CPLANE1: variants seen among roughly 807,000 people sequenced by gnomAD.
CPLANE1 encodes the protein ciliogenesis and planar polarity effector complex subunit 1.
A neutral mutation model predicts 362.5 loss-of-function variants in CPLANE1; 263 were observed. That is an observed-to-expected ratio of 0.73 (90% CI 0.66 to 0.80). The LOEUF is 0.80. Among genes scored for constraint, CPLANE1 ranks in the 30% least tolerant of loss-of-function variants. The pLI, the probability that CPLANE1 is intolerant of heterozygous loss-of-function variation, is 0.00. For synonymous variants in CPLANE1, 1,212 were observed against 1,302.6 expected (o/e 0.93, Z 1.50); for missense variants, 3,461 against 3,793.4 (o/e 0.91, Z 2.30).
chr5:37,167,314 T>A, intron 34 of CPLANE1, 101 bp from the exon 35 acceptor site: 1 of 879,728 alleles, frequency 1.1e-6, no homozygotes, highest in Non-Finnish European at 1.7e-6. Flanking sequence ...TAAATTAAAC[T>A]GTGCAACAGT....
intron 43 of CPLANE1, among the ~76,000 whole-genome samples, chr5:37,145,484 T>G (rs1771266654): frequency 6.6e-6 from 1 of 152,076 alleles, no homozygotes; most frequent in Non-Finnish European, 1.5e-5. Context: ...CAGTGGCTAT[T>G]CACAGGTGTG....
At chr5:37,159,129 G>T (rs1464614296) in intron 38 of CPLANE1, among the ~76,000 whole-genome samples, 1 of 111,432 alleles carries the variant, frequency 9.0e-6, no homozygotes, top group Admixed American at 1.1e-4. Context: ...TTTTGAGACG[G>T]AGTCTCGCTC....
Position 37,209,861 on chromosome 5 carries a change from A to G in CPLANE1, c.2921-3436T>C. 1.5e-6 allele frequency: 2 copies of G among 1,377,558 alleles called. No homozygotes were observed. Among genetic ancestry groups the G allele is most frequent in the Non-Finnish European group, 2.1e-6 (2 of 966,736 alleles). 85.3% of individuals were successfully genotyped at this position (1,377,558 alleles called of 1,614,324 possible). ...ATATGGAAACTCAGACAAGTTCGACATTTAGCAGAGATTCTCTGGCTGAGA... is the reference window on the plus strand; with the variant it reads ...ATATGGAAACTCAGACAAGTTCGACGTTTAGCAGAGATTCTCTGGCTGAGA... On this transcript the variant is annotated intron_variant, in intron 16 of 52. Coordinates refer to ENST00000651892, the MANE Select transcript of CPLANE1 (RefSeq NM_001384732.1). This position sits in a 1 kb window ranked among gnomAD's most constrained non-coding sequence, Gnocchi z 4.6.
chr5:37,083,254 C>G, the CPLANE1 span, among the ~76,000 whole-genome samples: 3 of 152,188 alleles, frequency 2.0e-5, no homozygotes, highest in Admixed American at 1.3e-4. Context: ...AGAGAACACC[C>G]TGCAGGACAA....
intron 6 of CPLANE1, among the ~76,000 whole-genome samples, chr5:37,240,287 T>G (rs1279698933): frequency 1.3e-5 from 2 of 151,388 alleles, no homozygotes; most frequent in African/African-American, 2.4e-5. Context: ...GAGGCGGAGG[T>G]CGCAGTGAGC....
At position 37,224,435 on chromosome 5, in the gene CPLANE1, T is replaced by G. The variant is rs1388315905; in HGVS notation, c.2500+97A>C. 3.1e-6 allele frequency: 4 copies of G among 1,305,738 alleles called. No individual in the cohort carries two copies. In the East Asian group the frequency reaches 1.0e-4, roughly 33 times the overall value. 80.9% of individuals were successfully genotyped at this position (1,305,738 alleles called of 1,614,324 possible). On this transcript the variant is annotated intron_variant, in intron 13 of 52. Transcript: ENST00000651892. Reference sequence around the variant, plus strand: ...GTTAATGGAGCTCAGCCAGAAATTATTTTGAAAAACAAATCATTACAACCA... The same window carrying G: ...GTTAATGGAGCTCAGCCAGAAATTAGTTTGAAAAACAAATCATTACAACCA...
intron 51 of CPLANE1, among the ~76,000 whole-genome samples, chr5:37,110,930 C>G (rs1759057948): frequency 6.6e-6 from 1 of 150,688 alleles, no homozygotes; most frequent in South Asian, 2.1e-4. Flanking sequence ...GCCTCAGCCT[C>G]CCGAGTAGCT....
chr5:37,111,490 A>G (rs1355549615), intron 51 of CPLANE1, among the ~76,000 whole-genome samples: 2 of 152,200 alleles, frequency 1.3e-5, no homozygotes, highest in Non-Finnish European at 2.9e-5. Context: ...CTTCATATCT[A>G]TAAGTAAAAT....
chr5:37,101,540 A>C (rs558607129), downstream of CPLANE1, among the ~76,000 whole-genome samples: 1 of 152,316 alleles, frequency 6.6e-6, no homozygotes, highest in East Asian at 1.9e-4. Context: ...ATCAATGTTC[A>C]TCAGGGATAT....
chr5:37,141,801 G>A (rs1206812580), intron 44 of CPLANE1: 1 of 977,890 alleles, frequency 1.0e-6, no homozygotes, highest in African/African-American at 1.8e-5. Context: ...ACCTCCAAAT[G>A]AAATAAAACA....
At chr5:37,085,056 ATGGC>A in the CPLANE1 span, 3 of 692,084 alleles carry the variant, frequency 4.3e-6, no homozygotes. Flanking sequence ...TAATGCAGCC[ATGGC>A]TGGTGGTCCC....
intron 6 of CPLANE1, among the ~76,000 whole-genome samples, chr5:37,241,905 C>T (rs915959468): frequency 5.9e-5 from 9 of 152,100 alleles, no homozygotes; most frequent in African/African-American, 1.7e-4. Context: ...GCTGGGATTA[C>T]AGGCATCCAC....
chr5:37,218,083 C>G (rs939535853), intron 15 of CPLANE1, among the ~76,000 whole-genome samples: 3 of 152,050 alleles, frequency 2.0e-5, no homozygotes, highest in Non-Finnish European at 4.4e-5. Flanking sequence ...AAGGAACTAC[C>G]ATAGCATGCA....
chr5:37,131,261 A>G (rs1765699419), intron 46 of CPLANE1, among the ~76,000 whole-genome samples: 1 of 152,160 alleles, frequency 6.6e-6, no homozygotes, highest in African/African-American at 2.4e-5. Context: ...AAAGAAAAAA[A>G]GCGCTTTCTA....
At chr5:37,193,802 G>A (rs1317820439) in intron 21 of CPLANE1, among the ~76,000 whole-genome samples, 1 of 151,942 alleles carries the variant, frequency 6.6e-6, no homozygotes, top group East Asian at 1.9e-4. Flanking sequence ...TCAGTAGCAA[G>A]ATCATAGCTC....
At position 37,165,660 on chromosome 5, in the gene CPLANE1, C is replaced by G; in HGVS notation, c.7412G>C (p.Arg2471Thr). The G allele has an allele frequency of 6.2e-7, 1 of 1,606,526 alleles. No individual in the cohort carries two copies. The highest frequency in any genetic ancestry group is 8.5e-7 in the Non-Finnish European group (1 of 1,178,458). Residue 2471 changes from arginine to threonine, a missense_variant, in exon 36 of 53, where the codon AGA (arginine) becomes ACA (threonine). This residue lies in a region of CPLANE1 where 3,380 missense variants were observed against 3,666.1 expected (regional missense o/e 0.92). Coordinates refer to ENST00000651892, the MANE Select transcript of CPLANE1 (RefSeq NM_001384732.1). Reference protein sequence around the residue: ...GKDSKKRQRRRAEKELQEKRC... With the variant: ...GKDSKKRQRRTAEKELQEKRC... Reference sequence around the variant, plus strand: ...TTTTTCTTGCAGCTCTTTCTCAGCTCTTCTTCTTTGCCTGTTAAACATAAT... The same window carrying G: ...TTTTTCTTGCAGCTCTTTCTCAGCTGTTCTTCTTTGCCTGTTAAACATAAT...
chr5:37,080,292 A>ACTC, the CPLANE1 span, among the ~76,000 whole-genome samples: 71 of 152,222 alleles, frequency 4.7e-4, no homozygotes, highest in African/African-American at 1.7e-3. Context: ...CATTACCCTG[A>ACTC]CTCTAGCACA....
intron 46 of CPLANE1, among the ~76,000 whole-genome samples, chr5:37,137,352 G>T (rs562776222): frequency 6.6e-6 from 1 of 152,250 alleles, no homozygotes; most frequent in East Asian, 1.9e-4. Context: ...TCAGGCTTTT[G>T]GTCAAAGCCA....
At chr5:37,163,265 A>G (rs1156532446) in intron 37 of CPLANE1, among the ~76,000 whole-genome samples, 1 of 152,208 alleles carries the variant, frequency 6.6e-6, no homozygotes, top group African/African-American at 2.4e-5. Context: ...AAGGAAGCAA[A>G]ATAGGTAAGA....
Sources: allele counts gnomAD v4.1 joint callset (sites outside exome capture counted in the v4.1 genomes callset), GRCh38; gene constraint gnomAD v4.1.1; regional missense constraint gnomAD v4.1.1; non-coding constraint Gnocchi (gnomAD v3.1); transcripts MANE v1.5; gene names NCBI Gene and HGNC (gene_info 2026-07-23, HGNC 2026-07-21).